KCNIP4: variants seen among roughly 807,000 people sequenced by gnomAD.
KCNIP4 encodes potassium voltage-gated channel interacting protein 4, also known as Kv channel-interacting protein 4.
In KCNIP4, 12 loss-of-function variants were observed where a neutral mutation model predicts 34.0. The ratio of observed to expected loss-of-function variants is 0.35; its 90% confidence interval spans 0.23 to 0.57. KCNIP4 has a LOEUF of 0.57. Among genes scored for constraint, KCNIP4 ranks in the 20% least tolerant of loss-of-function variants. The pLI is 0.83. For synonymous variants in KCNIP4, 124 were observed against 102.2 expected, an observed-to-expected ratio of 1.21 and a Z score of -1.29; for missense variants, 238 against 311.7, an observed-to-expected ratio of 0.76 and a Z score of 1.78.
At chr4:21,793,937 T>C (rs1337062057) in intron 1 of KCNIP4, among the ~76,000 whole-genome samples, 1 of 152,158 alleles carries the variant, frequency 6.6e-6, no homozygotes, top group African/African-American at 2.4e-5. Context: ...ATATACACCA[T>C]GGAATACTAT....
intron 5 of KCNIP4, among the ~76,000 whole-genome samples, chr4:20,747,738 G>A (rs11726872): frequency 1.1e-4 from 16 of 151,984 alleles, no homozygotes; most frequent in Admixed American, 1.0e-3. Flanking sequence ...CAGAATCTTC[G>A]CAGTTGTGGT....
At chr4:21,865,434 AG>A (rs1432739938) in intron 1 of KCNIP4, among the ~76,000 whole-genome samples, 1 of 152,170 alleles carries the variant, frequency 6.6e-6, no homozygotes, top group Non-Finnish European at 1.5e-5. Flanking sequence ...GAAAGGAAAA[AG>A]GAAAAGTACA....
intron 1 of KCNIP4, among the ~76,000 whole-genome samples, chr4:21,778,857 C>T (rs1719375251): frequency 6.6e-6 from 1 of 152,124 alleles, no homozygotes; most frequent in African/African-American, 2.4e-5. Context: ...CAAATTCCAA[C>T]TCAGTCACTT....
chr4:21,913,463 C>G (rs1728455133), intron 1 of KCNIP4, among the ~76,000 whole-genome samples: 1 of 151,720 alleles, frequency 6.6e-6, no homozygotes, highest in South Asian at 2.1e-4. Context: ...ATCTTGGAAG[C>G]AGAGAGTGGC....
At chr4:21,724,527 C>T (rs192710174) in intron 1 of KCNIP4, among the ~76,000 whole-genome samples, 1 of 150,536 alleles carries the variant, frequency 6.6e-6, no homozygotes, top group East Asian at 2.0e-4. Flanking sequence ...CAATTCATCA[C>T]TTTGTGGAGC....
chr4:21,362,747 T>C lies in KCNIP4; in HGVS notation c.62-480038A>G, dbSNP rs143860814. ...GTGATACAGACATCCTCACTGCATG[T>C]GAAATGGAAGAAATATTCTTGTATA... is the stretch of plus-strand genomic sequence containing the variant. On this transcript the variant is annotated intron_variant, in intron 1 of 8. Coordinates refer to ENST00000382152, the MANE Select transcript of KCNIP4 (RefSeq NM_025221.6). Among the ~76,000 whole-genome samples the C allele has an allele frequency of 1.1e-3, 161 of 152,216 alleles. 1 individual carries two copies. Among genetic ancestry groups the C allele is most frequent in the African/African-American group, 3.8e-3 (158 of 41,542 alleles).
chr4:21,444,626 C>G (rs903529247), intron 1 of KCNIP4, among the ~76,000 whole-genome samples: 1 of 152,148 alleles, frequency 6.6e-6, no homozygotes, highest in Non-Finnish European at 1.5e-5. Context: ...GGACGTATCT[C>G]AAAATAATAA....
intron 5 of KCNIP4, among the ~76,000 whole-genome samples, chr4:20,746,567 A>G (rs113698381): frequency 2.6e-5 from 4 of 152,222 alleles, no homozygotes; most frequent in African/African-American, 9.6e-5. Flanking sequence ...TTAACATCTA[A>G]TAACTACTGA....
chr4:21,438,983 A>T (rs974842440), intron 1 of KCNIP4, among the ~76,000 whole-genome samples: 1 of 152,094 alleles, frequency 6.6e-6, no homozygotes, highest in African/African-American at 2.4e-5. Flanking sequence ...TAACATGGTG[A>T]AACCCCTTCT....
intron 1 of KCNIP4, among the ~76,000 whole-genome samples, chr4:21,244,615 G>A (rs1449092007): frequency 1.3e-5 from 2 of 152,164 alleles, no homozygotes; most frequent in Non-Finnish European, 2.9e-5. Flanking sequence ...CTAACAAGCT[G>A]AGACATAGAA....
chr4:21,072,628 G>T lies in KCNIP4; in HGVS notation c.62-189919C>A, dbSNP rs550529683. ...CACTCTGATGGTAGTCTCTTTTGCT[G>T]TGCAGAAGTTCTTTAGTTTAATTAG... On this transcript the variant is annotated intron_variant, in intron 1 of 8. Coordinates refer to ENST00000382152, the MANE Select transcript of KCNIP4 (RefSeq NM_025221.6). Among the ~76,000 whole-genome samples, 112 of 152,144 alleles carry T rather than the reference G, an allele frequency of 7.4e-4. 1 individual carries two copies. The South Asian group carries it at 0.022, about 30-fold the overall frequency.
At chr4:21,030,897 C>T (rs60887064) in intron 1 of KCNIP4, among the ~76,000 whole-genome samples, 3,692 of 152,100 alleles carry the variant, frequency 0.024, 136 homozygotes, top group African/African-American at 0.081. Flanking sequence ...TGACCATGTC[C>T]CCTTGACCCA....
chr4:21,897,620 CT>C (rs1442397583), intron 1 of KCNIP4, among the ~76,000 whole-genome samples: 2 of 152,028 alleles, frequency 1.3e-5, no homozygotes, highest in Non-Finnish European at 2.9e-5. Context: ...AAAAATAGGG[CT>C]AATAATTGTA....
intron 1 of KCNIP4, among the ~76,000 whole-genome samples, chr4:21,535,667 A>AT (rs1459587372): frequency 6.6e-6 from 1 of 152,138 alleles, no homozygotes; most frequent in Non-Finnish European, 1.5e-5. Context: ...AGTTTCCTTA[A>AT]TCCTGCGTTT....
intron 1 of KCNIP4, among the ~76,000 whole-genome samples, chr4:21,318,745 G>A (rs367880107): frequency 7.2e-5 from 11 of 152,078 alleles, no homozygotes; most frequent in African/African-American, 2.2e-4. Context: ...TAAAGAGCCT[G>A]AGCATGAAGA....
intron 3 of KCNIP4, among the ~76,000 whole-genome samples, chr4:20,825,922 G>A (rs1051462815): frequency 1.3e-5 from 2 of 152,030 alleles, no homozygotes; most frequent in East Asian, 1.9e-4. Flanking sequence ...GGGGTAGAAG[G>A]GATCTATTTT....
chr4:21,555,675 T>C (rs2109022833), intron 1 of KCNIP4, among the ~76,000 whole-genome samples: 1 of 152,262 alleles, frequency 6.6e-6, no homozygotes, highest in Non-Finnish European at 1.5e-5. Flanking sequence ...CAAATACTGG[T>C]GGAGATAAAA....
chr4:21,028,404 A>G (rs1050187408), intron 1 of KCNIP4, among the ~76,000 whole-genome samples: 3 of 152,216 alleles, frequency 2.0e-5, no homozygotes, highest in Non-Finnish European at 1.5e-5. Flanking sequence ...AAAACTGCAC[A>G]CATGACCTCA....
In KCNIP4 at chr4:21,878,397, C is replaced by A. The variant is rs199984822; in HGVS notation, c.61+70174G>T. Among the ~76,000 whole-genome samples the A allele has an allele frequency of 2.6e-5, 4 of 152,268 alleles. No homozygotes were observed. The East Asian group carries it at 5.8e-4, about 22-fold the overall frequency. On this transcript the variant is annotated intron_variant, in intron 1 of 8. Coordinates refer to ENST00000382152, the MANE Select transcript of KCNIP4 (RefSeq NM_025221.6). ...GGCCTTGCCCTTTTGATTTGAAGATCACTGTGTCCTCTGATCAACACTTTC... is the reference window on the plus strand; with the variant it reads ...GGCCTTGCCCTTTTGATTTGAAGATAACTGTGTCCTCTGATCAACACTTTC...
Sources: gnomAD v4.1 joint callset for allele counts (sites outside exome capture counted in the v4.1 genomes callset) on GRCh38, gnomAD v4.1.1 for gene constraint, MANE v1.5 for transcripts, NCBI Gene and HGNC (gene_info 2026-07-23, HGNC 2026-07-21) for gene names.